Variants in MINAR2 observed in about 807,000 individuals in gnomAD.
MINAR2 encodes membrane integral NOTCH2 associated receptor 2, also known as major intrinsically disordered NOTCH2-binding receptor 1-like.
In MINAR2, 21 loss-of-function variants were observed where a neutral mutation model predicts 16.1. The ratio of observed to expected loss-of-function variants is 1.31; its 90% CI spans 0.93 to 1.88. The LOEUF is 1.88. Among genes scored for constraint, MINAR2 ranks in the 40% most tolerant of loss-of-function variants. The probability of loss-of-function intolerance (pLI) is 0.00; values close to 1 mark genes in which losing one functional copy is unlikely to be tolerated. For missense variants in MINAR2, 259 were observed against 229.8 expected (o/e 1.13, Z -0.82); for synonymous variants, 86 against 83.0 (o/e 1.04, Z -0.20).
chr5:129,756,561 G>A (rs986087568), intron 1 of MINAR2, among the ~76,000 whole-genome samples: 2 of 152,068 alleles, frequency 1.3e-5, no homozygotes, highest in African/African-American at 2.4e-5. Flanking sequence ...ACATATCAGT[G>A]AGAACATACG....
chr5:129,753,617 C>T (rs1758014982), intron 1 of MINAR2, among the ~76,000 whole-genome samples: 1 of 151,258 alleles, frequency 6.6e-6, no homozygotes, highest in Admixed American at 6.6e-5. Flanking sequence ...GCTGGACTTG[C>T]TGGCGCGCAC....
intron 1 of MINAR2, among the ~76,000 whole-genome samples, chr5:129,750,169 G>A (rs569604640): frequency 6.6e-5 from 10 of 152,254 alleles, no homozygotes; most frequent in East Asian, 1.9e-4. Flanking sequence ...ACTTCACTGT[G>A]CAATGCATCA....
At chr5:129,759,571 A>G (rs1396918495) in intron 1 of MINAR2, among the ~76,000 whole-genome samples, 1 of 152,146 alleles carries the variant, frequency 6.6e-6, no homozygotes, top group Non-Finnish European at 1.5e-5. Context: ...TATAGAAAAT[A>G]TGAGATGAAT....
chr5:129,765,084 C>A lies in MINAR2; in HGVS notation c.*21C>A, dbSNP rs975682191. 12 of 1,247,178 alleles carry A rather than the reference C, an allele frequency of 9.6e-6. 1 individual carries two copies. The Admixed American group carries it at 4.0e-4, about 42-fold the overall frequency. The allele number at this position is 1,247,178 out of a possible 1,614,324, so 77.3% of individuals were successfully genotyped here. A position where few individuals can be genotyped will look rare whatever the true frequency, so the allele number is the denominator to read the frequency against. On this transcript the variant is annotated 3_prime_UTR_variant, in exon 3 of 3. Transcript: ENST00000564719. The stretch of plus-strand genomic sequence containing the variant: ...CCTGAGGAAACTGCAACAATCAGAG[C>A]TACTTTAAATTTCCTAAAAATTTTT...
chr5:129,764,938 G>C lies in MINAR2; in HGVS notation c.448G>C (p.Asp150His). 7.1e-7 allele frequency: 1 copy of C among 1,399,212 alleles called. No individual in the cohort carries two copies. The highest frequency in any genetic ancestry group is 9.3e-7 in the Non-Finnish European group (1 of 1,077,596). The allele number at this position is 1,399,212 out of a possible 1,614,324, so 86.7% of individuals were successfully genotyped here. Residue 150 changes from aspartate to histidine, a missense_variant, in exon 3 of 3, where the codon GAC (aspartate) becomes CAC (histidine). Physicochemically the swap from Asp to His is moderately conservative, Grantham distance 81 (BLOSUM62 -1). Coordinates refer to ENST00000564719, the MANE Select transcript of MINAR2 (RefSeq NM_001257308.2). ...WLGDMYTPGF[D>H]TLLKKEEKQE... The stretch of plus-strand genomic sequence containing the variant: ...GGGAGACATGTACACTCCAGGTTTT[G>C]ACACTTTATTGAAAAAGGAAGAGAA...
intron 1 of MINAR2, among the ~76,000 whole-genome samples, chr5:129,752,392 A>G (rs1431427488): frequency 1.3e-5 from 2 of 152,206 alleles, no homozygotes; most frequent in African/African-American, 4.8e-5. Context: ...CTATGCAGCC[A>G]TAGAAAAGGA....
At position 129,766,657 on chromosome 5, in the gene MINAR2, C is replaced by CAAAA. The variant is rs61546560; in HGVS notation, c.*1597_*1598insAAAA. The stretch of plus-strand genomic sequence containing the variant: ...CATAAAAAAAAAAAAAAAAAAAAAA[C>CAAAA]AAACAAACAAACAAAAAAAACCCCA... On this transcript the variant is annotated 3_prime_UTR_variant, in exon 3 of 3. Transcript: ENST00000564719. 5 of 111,672 alleles carry CAAAA rather than the reference C, an allele frequency of 4.5e-5. No individual in the cohort carries two copies. The highest frequency in any genetic ancestry group is 7.0e-5 in the Non-Finnish European group (4 of 57,176). 6.9% of individuals were successfully genotyped at this position (111,672 alleles called of 1,614,324 possible). A position where few individuals can be genotyped will look rare whatever the true frequency, so the allele number is the denominator to read the frequency against.
chr5:129,751,303 G>C (rs944562419), intron 1 of MINAR2, among the ~76,000 whole-genome samples: 12 of 152,120 alleles, frequency 7.9e-5, no homozygotes, highest in Admixed American at 6.5e-4. Flanking sequence ...CTGCCTCCCA[G>C]ATTCAAGCAA....
chr5:129,750,929 T>A (rs763614576), intron 1 of MINAR2, among the ~76,000 whole-genome samples: 2 of 152,156 alleles, frequency 1.3e-5, no homozygotes, highest in Non-Finnish European at 2.9e-5. Context: ...TTGTGTCAAC[T>A]GATCCTTTCA....
At chr5:129,761,333 G>A (rs1758132633) in intron 2 of MINAR2, among the ~76,000 whole-genome samples, 1 of 152,114 alleles carries the variant, frequency 6.6e-6, no homozygotes, top group South Asian at 2.1e-4. Flanking sequence ...CCTGCCCTAG[G>A]CCAGGAAGGC....
intron 1 of MINAR2, among the ~76,000 whole-genome samples, chr5:129,752,648 G>T (rs1010875941): frequency 3.9e-5 from 6 of 152,106 alleles, no homozygotes; most frequent in Non-Finnish European, 8.8e-5. Context: ...TAGATGATGG[G>T]TTGATGGGTG....
chr5:129,756,798 T>C (rs1247430448), intron 1 of MINAR2, among the ~76,000 whole-genome samples: 2 of 151,806 alleles, frequency 1.3e-5, no homozygotes, highest in Non-Finnish European at 2.9e-5. Flanking sequence ...ACTTTATTCA[T>C]TTTCTAGAAA....
chr5:129,754,283 G>A (rs1328474880), intron 1 of MINAR2, among the ~76,000 whole-genome samples: 1 of 152,122 alleles, frequency 6.6e-6, no homozygotes, highest in Non-Finnish European at 1.5e-5. Context: ...AAGAATCAGT[G>A]AAAAATTTAA....
chr5:129,756,552 C>T (rs182322169), intron 1 of MINAR2, among the ~76,000 whole-genome samples: 1 of 152,214 alleles, frequency 6.6e-6, no homozygotes, highest in Admixed American at 6.5e-5. Flanking sequence ...CTAGCTCCCA[C>T]ATATCAGTGA....
rs900719462 is a variant in MINAR2, at chr5:129,765,235, A to G, written c.*172A>G. 2.4e-5 allele frequency: 10 copies of G among 416,674 alleles called. No homozygotes were observed. The highest frequency in any genetic ancestry group is 4.4e-5 in the Admixed American group (1 of 22,708). The allele number at this position is 416,674 out of a possible 1,614,324, so 25.8% of individuals were successfully genotyped here. On this transcript the variant is annotated 3_prime_UTR_variant, in exon 3 of 3. Coordinates refer to ENST00000564719, the MANE Select transcript of MINAR2 (RefSeq NM_001257308.2). ...GAAGAATGTGAATGTCAGGCGTGGT[A>G]TGCTGGCTTCTCCACTTTGTTCTAT...
chr5:129,759,198 C>T (rs371067032), intron 1 of MINAR2, among the ~76,000 whole-genome samples: 3 of 152,036 alleles, frequency 2.0e-5, no homozygotes, highest in East Asian at 3.9e-4. Flanking sequence ...AAATATGACT[C>T]AGAAGAATAA....
At chr5:129,748,406 GCTAT>G in intron 1 of MINAR2, 51 bp downstream of exon 1, 1 of 1,502,016 alleles carries the variant, frequency 6.7e-7, no homozygotes, top group Non-Finnish European at 8.9e-7. Context: ...TTTCTTTCTC[GCTAT>G]CTGCCATTTC....
rs187644257 is a variant in MINAR2, at chr5:129,752,072, A to G, written c.165+3717A>G. Among the ~76,000 whole-genome samples the G allele has an allele frequency of 4.4e-3, 667 of 152,312 alleles. 5 individuals carry two copies. The highest frequency in any genetic ancestry group is 0.016 in the African/African-American group (648 of 41,566). On this transcript the variant is annotated intron_variant, in intron 1 of 2. Transcript: ENST00000564719. ...GTGTTCATTAAAAAGTCAGGAAGCA[A>G]CAGATGCTGACGAGGATGTCTAGAA... is the stretch of plus-strand genomic sequence containing the variant.
At chr5:129,760,244 C>T in intron 1 of MINAR2, 134 bp from the exon 2 acceptor site, 1 of 676,954 alleles carries the variant, frequency 1.5e-6, no homozygotes, top group Non-Finnish European at 2.5e-6. Flanking sequence ...CCCTAGAATC[C>T]TTTTCTCATT....
Sources: allele counts gnomAD v4.1 joint callset (sites outside exome capture counted in the v4.1 genomes callset), GRCh38; gene constraint gnomAD v4.1.1; transcripts MANE v1.5; gene names NCBI Gene and HGNC (gene_info 2026-07-23, HGNC 2026-07-21).